ZC3HAV1: variants seen among roughly 807,000 people sequenced by gnomAD.
ZC3HAV1 encodes zinc finger CCCH-type antiviral protein 1.
In ZC3HAV1, 41 loss-of-function variants were observed where a neutral mutation model predicts 86.6. The ratio of observed to expected loss-of-function variants is 0.47; its 90% confidence interval spans 0.37 to 0.61. The LOEUF is 0.61. Among genes scored for constraint, ZC3HAV1 ranks in the 20% least tolerant of loss-of-function variants. The pLI, the probability that ZC3HAV1 is intolerant of heterozygous loss-of-function variation, is 0.00. For synonymous variants in ZC3HAV1, 421 were observed against 432.1 expected (o/e 0.97, Z 0.32); for missense variants, 964 against 1,141.1 (o/e 0.84, Z 2.24).
In ZC3HAV1 at chr7:139,079,618, A is replaced by G; in HGVS notation, c.1323T>C (p.Ser441=). ...NADGVATDIT[S]TRSLNYKSTS... is the part of the protein sequence containing the mutation. ...TGCTTTTGTAATTTAAGGATCTGGT[A>G]GAAGTTATATCTGTGGCCACTCCAT... The change falls in exon 4 of 13, where the codon TCT becomes TCC. Residue 441 remains serine, a synonymous_variant. Coordinates refer to ENST00000242351, the MANE Select transcript of ZC3HAV1 (RefSeq NM_020119.4). 6.2e-7 allele frequency: 1 copy of G among 1,614,176 alleles called. No homozygotes were observed. Among genetic ancestry groups the G allele is most frequent in the Non-Finnish European group, 8.5e-7 (1 of 1,180,024 alleles).
intron 5 of ZC3HAV1, 68 bp downstream of exon 5, chr7:139,078,484 G>T: frequency 8.4e-7 from 1 of 1,196,594 alleles, no homozygotes; most frequent in African/African-American, 1.6e-5. Flanking sequence ...GCACACCCAT[G>T]TTCATAGCAG....
At position 139,097,414 on chromosome 7, in the gene ZC3HAV1, A is replaced by ATTTTTT. The variant is rs1214039926; in HGVS notation, c.309-7656_309-7655insAAAAAA. Among the ~76,000 whole-genome samples the ATTTTTT allele has an allele frequency of 1.3e-4, 10 of 75,662 alleles. 1 individual carries two copies. Among genetic ancestry groups the ATTTTTT allele is most frequent in the East Asian group, 4.5e-4 (1 of 2,222 alleles). The allele number at this position is 75,662 out of a possible 152,430, so 49.6% of individuals were successfully genotyped here. On this transcript the variant is annotated intron_variant, in intron 1 of 12. Transcript: ENST00000242351. ...ATATTGGAACTCCATATATATATAT[A>ATTTTTT]TATATATATATATATTTTTTTTTTT...
At chr7:139,076,737 C>A (rs1816962634) in intron 5 of ZC3HAV1, among the ~76,000 whole-genome samples, 1 of 151,910 alleles carries the variant, frequency 6.6e-6, no homozygotes, top group Non-Finnish European at 1.5e-5. Flanking sequence ...ACTAAAAATA[C>A]AAAAATTAGC....
At chr7:139,051,389 C>T (rs193261917) in intron 12 of ZC3HAV1, among the ~76,000 whole-genome samples, 1 of 150,426 alleles carries the variant, frequency 6.6e-6, no homozygotes, top group African/African-American at 2.5e-5. Context: ...AGCAGCCCAA[C>T]ATTTGCAATC....
chr7:139,054,093 C>T lies in ZC3HAV1; in HGVS notation c.2190G>A (p.Leu730=), dbSNP rs1323448648. 1.0e-5 allele frequency: 16 copies of T among 1,569,972 alleles called. No homozygotes were observed. The Admixed American group carries it at 2.8e-4, about 27-fold the overall frequency. Residue 730 remains leucine, a splice_region_variant and synonymous_variant, in exon 11 of 13, where the codon TTG becomes TTA. Coordinates refer to ENST00000242351, the MANE Select transcript of ZC3HAV1 (RefSeq NM_020119.4). ...CTGGATGTAGGTGATGGATCTCTGA[C>T]AACTAATAAAGTTTAAAAATAGATA... ...FCFLSSKKYK[L]SEIHHLHPEY...
chr7:139,078,770 C>G, intron 4 of ZC3HAV1, 117 bp from the exon 5 acceptor site: 1 of 838,476 alleles, frequency 1.2e-6, no homozygotes, highest in Non-Finnish European at 1.8e-6. Context: ...CAAGAAAATT[C>G]CTATGATTTA....
intron 1 of ZC3HAV1, among the ~76,000 whole-genome samples, chr7:139,090,851 G>GA (rs1429640055): frequency 6.6e-6 from 1 of 152,118 alleles, no homozygotes; most frequent in Non-Finnish European, 1.5e-5. Context: ...AACCTCATAT[G>GA]AAAAAATAGA....
intron 3 of ZC3HAV1, among the ~76,000 whole-genome samples, chr7:139,083,234 T>A (rs1268651645): frequency 8.0e-6 from 1 of 125,320 alleles, no homozygotes; most frequent in Non-Finnish European, 1.6e-5. Context: ...TGATATACAC[T>A]TTTTTAAACC....
Position 139,064,894 on chromosome 7 carries a change from C to CT in ZC3HAV1, c.1977_1978insA (p.Glu660ArgfsTer70). The stretch of plus-strand genomic sequence containing the variant: ...AGAAACCCACCTTGGAAACTCAGCT[C>CT]ATAGTTCCGTGAGCCCGCCTGAAAT... On this transcript the variant is annotated frameshift_variant, in exon 8 of 13. Transcript: ENST00000242351. LOFTEE classifies it high-confidence loss of function. The CT allele has an allele frequency of 6.2e-7, 1 of 1,614,164 alleles. No individual in the cohort carries two copies. The highest frequency in any genetic ancestry group is 8.5e-7 in the Non-Finnish European group (1 of 1,180,022).
chr7:139,088,265 C>T (rs6467822), intron 2 of ZC3HAV1, among the ~76,000 whole-genome samples: 34,986 of 151,908 alleles, frequency 0.23, 5,015 homozygotes, highest in African/African-American at 0.39. Flanking sequence ...TAATTATCCA[C>T]CATTGTCCCC....
chr7:139,054,633 C>T (rs1194393370), intron 10 of ZC3HAV1, among the ~76,000 whole-genome samples: 2 of 152,218 alleles, frequency 1.3e-5, no homozygotes, highest in East Asian at 3.8e-4. Flanking sequence ...TTTCACATGG[C>T]TGTTGCGAGG....
At chr7:139,088,522 T>C (rs915931322) in intron 2 of ZC3HAV1, among the ~76,000 whole-genome samples, 15 of 152,114 alleles carry the variant, frequency 9.9e-5, no homozygotes, top group African/African-American at 3.6e-4. Context: ...GAGTACAGAC[T>C]CATTGTACAC....
chr7:139,093,074 T>G (rs923999194), intron 1 of ZC3HAV1, among the ~76,000 whole-genome samples: 1 of 152,220 alleles, frequency 6.6e-6, no homozygotes, highest in African/African-American at 2.4e-5. Flanking sequence ...ATGCATTTAC[T>G]AAGTGACAGG....
intron 11 of ZC3HAV1, 121 bp from the exon 12 acceptor site, chr7:139,053,702 G>C: frequency 7.5e-7 from 1 of 1,325,800 alleles, no homozygotes; most frequent in Non-Finnish European, 1.0e-6. Context: ...TCACAACGGA[G>C]CTACTAACTT....
Position 139,055,309 on chromosome 7 carries a change from G to A in ZC3HAV1, c.2097-14C>T, listed in dbSNP as rs776659439. On this transcript the variant is annotated splice_polypyrimidine_tract_variant and intron_variant, in intron 9 of 12. Coordinates refer to ENST00000242351, the MANE Select transcript of ZC3HAV1 (RefSeq NM_020119.4). ...GCTGGCTGATGGCTACAAATAAAGA[G>A]AAAGAATTCACTTAACTCTCTGCTC... 3.5e-5 allele frequency: 57 copies of A among 1,607,242 alleles called. No homozygotes were observed. The highest frequency in any genetic ancestry group is 1.7e-6 in the Non-Finnish European group (2 of 1,174,758).
intron 6 of ZC3HAV1, among the ~76,000 whole-genome samples, chr7:139,074,527 G>A (rs78835332): frequency 0.016 from 2,498 of 152,116 alleles, 66 homozygotes; most frequent in African/African-American, 0.057. Flanking sequence ...TGATTTCACA[G>A]CAGGTTGAAT....
intron 7 of ZC3HAV1, among the ~76,000 whole-genome samples, chr7:139,068,013 CTCTT>C (rs1057294021): frequency 2.1e-5 from 3 of 144,040 alleles, no homozygotes; most frequent in Non-Finnish European, 4.5e-5. Flanking sequence ...TAGGGAGGAC[CTCTT>C]TCTTTCTTTA....
At chr7:139,105,484 T>C (rs1445502386) in intron 1 of ZC3HAV1, among the ~76,000 whole-genome samples, 1 of 152,216 alleles carries the variant, frequency 6.6e-6, no homozygotes, top group Non-Finnish European at 1.5e-5. Flanking sequence ...ACTCCATGTG[T>C]GGGCATATAT....
At chr7:139,095,717 C>CA (rs1401418902) in intron 1 of ZC3HAV1, among the ~76,000 whole-genome samples, 103 of 152,330 alleles carry the variant, frequency 6.8e-4, no homozygotes, top group Middle Eastern at 6.8e-3. Context: ...TATCATCTTT[C>CA]TGTTATTATG....
Sources: allele counts gnomAD v4.1 joint callset (sites outside exome capture counted in the v4.1 genomes callset), GRCh38; gene constraint gnomAD v4.1.1; transcripts MANE v1.5; gene names NCBI Gene and HGNC (gene_info 2026-07-23, HGNC 2026-07-21).